MPRIP: variants seen among roughly 807,000 people sequenced by gnomAD.
MPRIP encodes myosin phosphatase Rho-interacting protein.
MPRIP carries 59 observed loss-of-function variants against 234.9 expected under a neutral mutation model. The observed-to-expected ratio is 0.25, with a 90% CI of 0.20 to 0.31. The LOEUF (loss-of-function observed/expected upper bound fraction) is 0.31, where lower values mean the gene tolerates loss of function less well. MPRIP is among the 10% of genes least tolerant of loss of function. The pLI is 1.00. For synonymous variants in MPRIP, 1,144 were observed against 1,263.9 expected (o/e 0.91, Z 2.01); for missense variants, 2,436 against 3,071.0 (o/e 0.79, Z 4.89).
chr17:17,074,839 A>G (rs2144034338), intron 1 of MPRIP, among the ~76,000 whole-genome samples: 2 of 152,280 alleles, frequency 1.3e-5, no homozygotes, highest in South Asian at 4.2e-4. Flanking sequence ...TGGCTGAATA[A>G]TGTTCCCTTG....
chr17:17,093,185 A>G (rs951813609), intron 3 of MPRIP, among the ~76,000 whole-genome samples: 10 of 152,216 alleles, frequency 6.6e-5, no homozygotes, highest in Admixed American at 3.9e-4. Context: ...TTTGGTTGAA[A>G]CATCCTATTT....
At chr17:17,111,310 CT>C (rs2090167023) in intron 3 of MPRIP, among the ~76,000 whole-genome samples, 1 of 150,868 alleles carries the variant, frequency 6.6e-6, no homozygotes. Flanking sequence ...TAAGAAGGAC[CT>C]GGAAAGCAGG....
At chr17:17,180,122 G>T in intron 23 of MPRIP, 34 bp downstream of exon 23, 1 of 1,510,588 alleles carries the variant, frequency 6.6e-7, no homozygotes, top group Non-Finnish European at 9.0e-7. Flanking sequence ...GGTGGGAGGG[G>T]CTTGAGGGAC....
chr17:17,085,829 C>T (rs2089577557), intron 3 of MPRIP, among the ~76,000 whole-genome samples: 1 of 152,206 alleles, frequency 6.6e-6, no homozygotes, highest in South Asian at 2.1e-4. Context: ...AGGAGAATGG[C>T]ATGATCCCGG....
chr17:17,062,482 C>T (rs748871194), intron 1 of MPRIP, among the ~76,000 whole-genome samples: 25 of 152,226 alleles, frequency 1.6e-4, no homozygotes, highest in Admixed American at 1.4e-3. Flanking sequence ...GAACTGACCA[C>T]GAGCCCCTTG....
At chr17:17,048,065 C>G (rs1239422773) in intron 1 of MPRIP, among the ~76,000 whole-genome samples, 7 of 151,674 alleles carry the variant, frequency 4.6e-5, no homozygotes, top group Non-Finnish European at 8.8e-5. Flanking sequence ...GTCTCTTTCT[C>G]CTGCTGACTG....
chr17:17,071,468 T>TC (rs2089192714), intron 1 of MPRIP, among the ~76,000 whole-genome samples: 2 of 152,184 alleles, frequency 1.3e-5, no homozygotes, highest in African/African-American at 4.8e-5. Flanking sequence ...TACCTTTTTT[T>TC]CTCCACCTTT....
At chr17:17,130,689 A>G (rs1231807431) in intron 4 of MPRIP, among the ~76,000 whole-genome samples, 1 of 151,942 alleles carries the variant, frequency 6.6e-6, no homozygotes, top group African/African-American at 2.4e-5. Context: ...TCTGGAGAGG[A>G]CACTAGGGCT....
intron 13 of MPRIP, among the ~76,000 whole-genome samples, chr17:17,158,199 C>T (rs1176621136): frequency 6.6e-6 from 1 of 152,184 alleles, no homozygotes; most frequent in Non-Finnish European, 1.5e-5. Flanking sequence ...CCTTCCTTTC[C>T]CCTTCCCCTC....
chr17:17,147,452 T>A, intron 11 of MPRIP, 65 bp downstream of exon 11: 1 of 1,447,406 alleles, frequency 6.9e-7, no homozygotes, highest in Non-Finnish European at 9.7e-7. Flanking sequence ...CATCTGGGGC[T>A]AGTAGATCTG....
Position 17,192,000 on chromosome 17 carries a change from A to G in MPRIP, c.*7106A>G, listed in dbSNP as rs1002245707. 2.0e-5 allele frequency: 3 copies of G among 152,164 alleles called. No individual in the cohort carries two copies. Among genetic ancestry groups the G allele is most frequent in the Non-Finnish European group, 2.9e-5 (2 of 68,028 alleles). 9.4% of individuals were successfully genotyped at this position (152,164 alleles called of 1,614,324 possible). A position where few individuals can be genotyped will look rare whatever the true frequency, so the allele number is the denominator to read the frequency against. On this transcript the variant is annotated 3_prime_UTR_variant, in exon 24 of 24. Transcript: ENST00000651222. Reference sequence around the variant, plus strand: ...AAAGCATCCAAGTGGCTCCTCAACAATTACAATTCTTAATGATTTTTCTCA... The same window carrying G: ...AAAGCATCCAAGTGGCTCCTCAACAGTTACAATTCTTAATGATTTTTCTCA...
At chr17:17,043,850 C>T (rs2088260745) in intron 1 of MPRIP, among the ~76,000 whole-genome samples, 1 of 152,150 alleles carries the variant, frequency 6.6e-6, no homozygotes, top group South Asian at 2.1e-4. Flanking sequence ...GCCTCGGTAC[C>T]CTCCCCACGG....
intron 23 of MPRIP, among the ~76,000 whole-genome samples, chr17:17,184,414 A>C (rs938106481): frequency 7.2e-5 from 11 of 152,198 alleles, no homozygotes; most frequent in Middle Eastern, 3.2e-3. Flanking sequence ...TCCTCAGCTG[A>C]GGCTGTCAGG....
intron 3 of MPRIP, among the ~76,000 whole-genome samples, chr17:17,119,164 T>C (rs911731224): frequency 3.3e-5 from 5 of 152,172 alleles, no homozygotes; most frequent in Admixed American, 2.6e-4. Flanking sequence ...CTGGAGCCAA[T>C]GTCCTGAATT....
At chr17:17,093,985 G>T (rs2089780709) in intron 3 of MPRIP, among the ~76,000 whole-genome samples, 1 of 152,132 alleles carries the variant, frequency 6.6e-6, no homozygotes, top group Non-Finnish European at 1.5e-5. Context: ...ACTGACTCTG[G>T]CTGTCCTCTG....
At chr17:17,137,322 T>C (rs1341701605) in intron 6 of MPRIP, among the ~76,000 whole-genome samples, 1 of 152,152 alleles carries the variant, frequency 6.6e-6, no homozygotes, top group Non-Finnish European at 1.5e-5. Context: ...GAGACCAGCC[T>C]GGCCAACATA....
intron 23 of MPRIP, chr17:17,182,260 T>A (rs1242026045): frequency 6.6e-6 from 1 of 152,202 alleles, no homozygotes. Context: ...TGTGCACTGA[T>A]CTGTGTCTTT....
At chr17:17,177,529 C>G (rs988661107) in intron 22 of MPRIP, 117 bp downstream of exon 22, 5 of 1,137,914 alleles carry the variant, frequency 4.4e-6, no homozygotes, top group South Asian at 1.6e-5. Context: ...CTTGTAGACC[C>G]AGGCATCCCA....
intron 1 of MPRIP, among the ~76,000 whole-genome samples, chr17:17,067,443 C>A (rs1194733863): frequency 6.6e-6 from 1 of 152,134 alleles, no homozygotes; most frequent in East Asian, 1.9e-4. Flanking sequence ...AGCGTGGATG[C>A]GCTGGACAAA....
Sources: allele counts gnomAD v4.1 joint callset (sites outside exome capture counted in the v4.1 genomes callset), GRCh38; gene constraint gnomAD v4.1.1; transcripts MANE v1.5; gene names NCBI Gene and HGNC (gene_info 2026-07-23, HGNC 2026-07-21).